The following GARNL3 variants were observed in gnomAD, a reference collection of about 807,000 sequenced individuals.
GARNL3 encodes the protein GTPase activating Rap/RanGAP domain like 3.
Under a neutral mutation model 125.0 loss-of-function variants are expected in GARNL3, and 63 were observed. The observed-to-expected ratio is 0.50, with a 90% CI of 0.41 to 0.62. The LOEUF (loss-of-function observed/expected upper bound fraction) is 0.62. GARNL3 is among the 20% of genes least tolerant of loss of function. The probability of loss-of-function intolerance (pLI) is 0.00; values close to 1 mark genes in which losing one functional copy is unlikely to be tolerated. For synonymous variants in GARNL3, 439 were observed against 457.5 expected, an observed-to-expected ratio of 0.96 and a Z score of 0.52; for missense variants, 994 against 1,244.0, an observed-to-expected ratio of 0.80 and a Z score of 3.02.
At chr9:127,257,601 C>T (rs1347463008) in intron 2 of GARNL3, among the ~76,000 whole-genome samples, 9 of 152,014 alleles carry the variant, frequency 5.9e-5, no homozygotes, top group Non-Finnish European at 1.2e-4. Flanking sequence ...GTGGACACAC[C>T]GATTCTGTAG....
rs115865022 is a variant in GARNL3, at chr9:127,338,087, G to A, written c.983-29G>A. 746 of 1,568,124 alleles carry A rather than the reference G, an allele frequency of 4.8e-4. No homozygotes were observed. The African/African-American group carries it at 9.2e-3, about 19-fold the overall frequency. On this transcript the variant is annotated intron_variant, in intron 11 of 27. Transcript: ENST00000373387. ...GCTGTCAGTCGTGAGCATCAGTGTT[G>A]TGATTAGTTCCCTTAACCATCACCA... is the stretch of plus-strand genomic sequence containing the variant.
intron 1 of GARNL3, among the ~76,000 whole-genome samples, chr9:127,274,022 C>A (rs1221487190): frequency 1.3e-5 from 2 of 152,104 alleles, no homozygotes; most frequent in Non-Finnish European, 1.5e-5. Context: ...TCATTTTATC[C>A]TTTAAGTAAG....
chr9:127,229,156 A>G (rs933277704), intron 1 of GARNL3, among the ~76,000 whole-genome samples: 4 of 152,194 alleles, frequency 2.6e-5, no homozygotes, highest in African/African-American at 9.7e-5. Context: ...GAATTCCTTA[A>G]CTTAAAACAG....
intron 9 of GARNL3, 112 bp downstream of exon 9, chr9:127,333,233 C>T (rs769501029): frequency 2.5e-5 from 20 of 807,528 alleles, no homozygotes; most frequent in Admixed American, 1.6e-4. Flanking sequence ...TGAGAGAAGA[C>T]TGGAGGGAGG....
chr9:127,312,132 C>T (rs1350084179), intron 3 of GARNL3, among the ~76,000 whole-genome samples: 1 of 152,156 alleles, frequency 6.6e-6, no homozygotes, highest in African/African-American at 2.4e-5. Context: ...CCCTGAGCTC[C>T]AGGGCCTGTA....
At chr9:127,254,906 G>A (rs1269926288) in intron 2 of GARNL3, among the ~76,000 whole-genome samples, 3 of 152,112 alleles carry the variant, frequency 2.0e-5, no homozygotes, top group African/African-American at 7.2e-5. Context: ...AGATGTTCAA[G>A]CTCTTGAGCT....
chr9:127,388,753 C>G (rs7848126), intron 25 of GARNL3, 151 bp from the exon 26 acceptor site: 113,513 of 622,590 alleles, frequency 0.18, 12,165 homozygotes, highest in East Asian at 0.39. Context: ...CAAATCAGTG[C>G]TCCTGGCCAG....
intron 1 of GARNL3, among the ~76,000 whole-genome samples, chr9:127,225,085 G>C (rs1263512780): frequency 6.9e-6 from 1 of 145,404 alleles, no homozygotes; most frequent in Non-Finnish European, 1.5e-5. Context: ...CTTGGGCCCA[G>C]CGGAGGGTCT....
intron 1 of GARNL3, among the ~76,000 whole-genome samples, chr9:127,274,859 G>A (rs533277354): frequency 6.6e-6 from 1 of 152,280 alleles, no homozygotes; most frequent in Non-Finnish European, 1.5e-5. Context: ...CCTTGATTGT[G>A]GTTTCATACA....
intron 13 of GARNL3, among the ~76,000 whole-genome samples, chr9:127,340,664 C>T (rs565291841): frequency 2.0e-5 from 3 of 150,352 alleles, no homozygotes; most frequent in African/African-American, 2.5e-5. Flanking sequence ...TCACTCTGTC[C>T]GTCCTGGTCA....
intron 2 of GARNL3, among the ~76,000 whole-genome samples, chr9:127,253,042 G>A (rs1409614482): frequency 3.3e-5 from 5 of 152,260 alleles, no homozygotes; most frequent in South Asian, 2.1e-4. Flanking sequence ...TGAACCTGAG[G>A]CAACATTTAT....
At chr9:127,313,097 A>G (rs2065138705) in intron 3 of GARNL3, among the ~76,000 whole-genome samples, 1 of 152,206 alleles carries the variant, frequency 6.6e-6, no homozygotes, top group Admixed American at 6.5e-5. Context: ...CAGGGTCACA[A>G]GATGGATTCA....
chr9:127,350,309 A>G (rs1227168440), intron 17 of GARNL3, among the ~76,000 whole-genome samples: 1 of 152,226 alleles, frequency 6.6e-6, no homozygotes, highest in African/African-American at 2.4e-5. Context: ...ATAGTTTATA[A>G]TGATGAAAAT....
intron 14 of GARNL3, among the ~76,000 whole-genome samples, chr9:127,342,736 G>A (rs1385042683): frequency 6.6e-6 from 1 of 151,968 alleles, no homozygotes; most frequent in Admixed American, 6.6e-5. Context: ...GACATAGGGT[G>A]CTTTTTTTTG....
chr9:127,243,193 C>T (rs2063233798), exon 2 of GARNL3: 1 of 1,366,486 alleles, frequency 7.3e-7, no homozygotes, highest in Non-Finnish European at 9.8e-7. Flanking sequence ...CCTTCGGCAT[C>T]CAGCCCCTTC....
At chr9:127,347,193 G>A (rs1176248463) in intron 16 of GARNL3, among the ~76,000 whole-genome samples, 1 of 152,158 alleles carries the variant, frequency 6.6e-6, no homozygotes, top group African/African-American at 2.4e-5. Context: ...GTTGAGGCCG[G>A]AGGACTACTT....
intron 3 of GARNL3, 72 bp downstream of exon 3, chr9:127,311,807 G>T: frequency 9.5e-7 from 1 of 1,048,594 alleles, no homozygotes; most frequent in Non-Finnish European, 1.5e-6. Context: ...ATAACTTCTG[G>T]TATCCTATAT....
chr9:127,272,723 T>A (rs2063854291), intron 1 of GARNL3, among the ~76,000 whole-genome samples: 1 of 152,174 alleles, frequency 6.6e-6, no homozygotes, highest in Non-Finnish European at 1.5e-5. Flanking sequence ...GTGATCCACC[T>A]GCCTCAGCCT....
chr9:127,335,480 G>T, intron 10 of GARNL3, 147 bp downstream of exon 10: 1 of 663,130 alleles, frequency 1.5e-6, no homozygotes, highest in South Asian at 1.8e-5. Flanking sequence ...GTCTGTATTG[G>T]AACTTTCTAC....
Sources: gnomAD v4.1 joint callset for allele counts (sites outside exome capture counted in the v4.1 genomes callset) on GRCh38, gnomAD v4.1.1 for gene constraint, MANE v1.5 for transcripts, NCBI Gene and HGNC (gene_info 2026-07-23, HGNC 2026-07-21) for gene names.